ATG14: variants seen among roughly 807,000 people sequenced by gnomAD.
ATG14 encodes the protein beclin 1-associated autophagy-related key regulator.
A neutral mutation model predicts 60.4 loss-of-function variants in ATG14; 35 were observed. That is an observed-to-expected ratio of 0.58 (90% CI 0.44 to 0.77). ATG14 has a LOEUF of 0.77. Ranked by LOEUF, ATG14 falls within the 30% of genes least tolerant of loss-of-function variation. ATG14 has a pLI of 0.00. For missense variants in ATG14, 647 were observed against 626.3 expected (o/e 1.03, Z -0.35); for synonymous variants, 234 against 228.8 (o/e 1.02, Z -0.21).
intron 3 of ATG14, among the ~76,000 whole-genome samples, chr14:55,393,086 A>G (rs1885246182): frequency 6.6e-6 from 1 of 152,224 alleles, no homozygotes. Flanking sequence ...AATTTTAAGT[A>G]TAATGAAATA....
intron 1 of ATG14, among the ~76,000 whole-genome samples, chr14:55,401,906 G>A (rs1885405950): frequency 6.6e-6 from 1 of 152,174 alleles, no homozygotes; most frequent in South Asian, 2.1e-4. Flanking sequence ...CTATGTAACT[G>A]CACCAAGCAT....
intron 3 of ATG14, 106 bp from the exon 4 acceptor site, chr14:55,391,098 G>A: frequency 1.4e-6 from 1 of 705,598 alleles, no homozygotes; most frequent in Non-Finnish European, 2.3e-6. Context: ...AAAACATAAT[G>A]AAGAAAAAGA....
intron 1 of ATG14, among the ~76,000 whole-genome samples, chr14:55,411,274 A>C (rs1347489388): frequency 3.3e-5 from 5 of 152,268 alleles, no homozygotes; most frequent in Non-Finnish European, 1.5e-5. Flanking sequence ...CATACAGCAA[A>C]GAGCTGGGAA....
At chr14:55,385,678 C>A (rs1393576767) in intron 5 of ATG14, among the ~76,000 whole-genome samples, 181 bp downstream of exon 5, 3 of 152,246 alleles carry the variant, frequency 2.0e-5, no homozygotes, top group African/African-American at 7.2e-5. Context: ...CCACCCCTCA[C>A]CTCGCTGCCT....
At chr14:55,400,945 A>C (rs967834648) in intron 1 of ATG14, among the ~76,000 whole-genome samples, 1 of 151,546 alleles carries the variant, frequency 6.6e-6, no homozygotes, top group African/African-American at 2.4e-5. Context: ...AAATAAAATA[A>C]AATAAAATAA....
chr14:55,408,436 G>C (rs757943152), intron 1 of ATG14, among the ~76,000 whole-genome samples: 62 of 152,080 alleles, frequency 4.1e-4, no homozygotes, highest in Non-Finnish European at 7.8e-4. Flanking sequence ...CTGGGTTACA[G>C]GGTGAGACCC....
intron 1 of ATG14, among the ~76,000 whole-genome samples, chr14:55,407,116 A>G (rs1244509764): frequency 1.3e-5 from 2 of 151,796 alleles, no homozygotes; most frequent in African/African-American, 4.8e-5. Context: ...CCTGCAACAC[A>G]ACACCCAGCT....
intron 6 of ATG14, among the ~76,000 whole-genome samples, chr14:55,380,968 AC>A (rs1166708454): frequency 1.3e-5 from 2 of 150,894 alleles, no homozygotes; most frequent in South Asian, 2.1e-4. Context: ...ACCTGTGTGA[AC>A]CTGATAACGT....
chr14:55,387,939 G>T (rs1206726627), intron 4 of ATG14, among the ~76,000 whole-genome samples: 4 of 152,162 alleles, frequency 2.6e-5, no homozygotes, highest in African/African-American at 9.7e-5. Flanking sequence ...TGGGATTATA[G>T]GCATGAGCCA....
intron 3 of ATG14, among the ~76,000 whole-genome samples, chr14:55,395,722 A>C (rs1406459740): frequency 6.6e-6 from 1 of 152,222 alleles, no homozygotes; most frequent in African/African-American, 2.4e-5. Context: ...TCAACATGTC[A>C]GGTTTCATAA....
intron 7 of ATG14, among the ~76,000 whole-genome samples, chr14:55,379,678 A>G (rs1884992101): frequency 6.6e-6 from 1 of 152,200 alleles, no homozygotes; most frequent in Non-Finnish European, 1.5e-5. Context: ...GGTAGTAGGA[A>G]GATTGTAGTG....
chr14:55,390,984 T>C lies in ATG14; in HGVS notation c.336A>G (p.Lys112=), dbSNP rs150652481. 5.4e-5 allele frequency: 87 copies of C among 1,604,546 alleles called. No individual in the cohort carries two copies. The African/African-American group carries it at 1.1e-3, about 20-fold the overall frequency. Residue 112 remains lysine, a synonymous_variant, in exon 4 of 10, where the codon AAA becomes AAG. Transcript: ENST00000247178. ...CAATCCTCATCTTGCAGGACATTAT[T>C]TTCCATCTCTGAAAAAAGCATGTAA... ...GKWITDQLRW[K]IMSCKMRIEQ... is the part of the protein sequence containing the mutation.
chr14:55,382,137 C>T lies in ATG14; in HGVS notation c.702G>A (p.Val234=), dbSNP rs1413430635. Reference sequence around the variant, plus strand: ...TCCTCCGGGCTTCAGCAAGCTTGCTCACAGTGCTGGAGGTCATGGCACTGT... The same window carrying T: ...TCCTCCGGGCTTCAGCAAGCTTGCTTACAGTGCTGGAGGTCATGGCACTGT... ...ESDSAMTSST[V]SKLAEARRTT... is the part of the protein sequence containing the mutation. Residue 234 remains valine (V), a synonymous_variant, in exon 6 of 10, where the codon GTG becomes GTA. Transcript: ENST00000247178. The T allele has an allele frequency of 1.2e-6, 2 of 1,614,104 alleles. No homozygotes were observed. Among genetic ancestry groups the T allele is most frequent in the Non-Finnish European group, 1.7e-6 (2 of 1,180,014 alleles).
chr14:55,371,388 A>C (rs1884812931), intron 9 of ATG14, among the ~76,000 whole-genome samples: 1 of 152,184 alleles, frequency 6.6e-6, no homozygotes, highest in South Asian at 2.1e-4. Context: ...TGTGCTTCCC[A>C]GATGGATTAA....
intron 9 of ATG14, among the ~76,000 whole-genome samples, chr14:55,374,736 T>C (rs1315339791): frequency 6.6e-6 from 1 of 152,204 alleles, no homozygotes; most frequent in Non-Finnish European, 1.5e-5. Flanking sequence ...TTTTCCCCCA[T>C]ATGAATACCC....
At chr14:55,380,801 G>A (rs1158518823) in intron 6 of ATG14, 111 bp from the exon 7 acceptor site, 1 of 531,900 alleles carries the variant, frequency 1.9e-6, no homozygotes, top group Non-Finnish European at 3.1e-6. Context: ...TTACGTTTTA[G>A]TGCTTCCTTA....
At chr14:55,375,325 T>C (rs895841531) in intron 9 of ATG14, among the ~76,000 whole-genome samples, 7 of 152,028 alleles carry the variant, frequency 4.6e-5, no homozygotes, top group East Asian at 1.9e-4. Flanking sequence ...GTTTTTTGTA[T>C]GTTTATCTTT....
chr14:55,372,101 C>CCT (rs1400400657), intron 9 of ATG14, among the ~76,000 whole-genome samples: 1 of 152,122 alleles, frequency 6.6e-6, no homozygotes, highest in East Asian at 1.9e-4. Flanking sequence ...TCCCAAATAT[C>CCT]CTCTGGTTAC....
intron 4 of ATG14, 80 bp from the exon 5 acceptor site, chr14:55,386,176 C>A (rs942396105): frequency 8.3e-7 from 1 of 1,207,538 alleles, no homozygotes; most frequent in Non-Finnish European, 1.2e-6. Context: ...CACAAACATG[C>A]GTGTTTTCCC....
Sources: gnomAD v4.1 joint callset for allele counts (sites outside exome capture counted in the v4.1 genomes callset) on GRCh38, gnomAD v4.1.1 for gene constraint, MANE v1.5 for transcripts, NCBI Gene and HGNC (gene_info 2026-07-23, HGNC 2026-07-21) for gene names.